Variants in SNX29 observed in about 807,000 individuals in gnomAD.
The protein encoded by SNX29 is sorting nexin-29.
In SNX29, 78 loss-of-function variants were observed where a neutral mutation model predicts 102.1. The observed-to-expected ratio is 0.76, with a 90% CI of 0.64 to 0.92. The LOEUF (loss-of-function observed/expected upper bound fraction) is 0.92, where lower values mean the gene tolerates loss of function less well. Ranked by LOEUF, SNX29 falls within the 40% of genes least tolerant of loss-of-function variation. The pLI is 0.00. For missense variants in SNX29, 1,280 were observed against 1,061.7 expected (o/e 1.21, Z -2.86); for synonymous variants, 580 against 414.5 (o/e 1.40, Z -4.85).
At chr16:12,202,198 A>T (rs767908767) in intron 14 of SNX29, among the ~76,000 whole-genome samples, 27 of 152,178 alleles carry the variant, frequency 1.8e-4, no homozygotes, top group Non-Finnish European at 3.7e-4. Context: ...TTTAGAATAA[A>T]CATTGGCAAC....
intron 1 of SNX29, among the ~76,000 whole-genome samples, chr16:11,981,210 T>C (rs566617352): frequency 1.3e-5 from 2 of 152,246 alleles, no homozygotes; most frequent in East Asian, 3.9e-4. Flanking sequence ...CCTCAAGTGG[T>C]CCGCCTACCT....
At chr16:12,100,571 C>A (rs935631738) in intron 11 of SNX29, among the ~76,000 whole-genome samples, 2 of 152,072 alleles carry the variant, frequency 1.3e-5, no homozygotes, top group African/African-American at 4.8e-5. Flanking sequence ...AGAGGCCTGT[C>A]TGACAAGGTG....
At chr16:12,005,010 G>C (rs991354752) in intron 3 of SNX29, among the ~76,000 whole-genome samples, 1 of 152,318 alleles carries the variant, frequency 6.6e-6, no homozygotes, top group Non-Finnish European at 1.5e-5. Flanking sequence ...TTGTTATCCG[G>C]ATGAGCGTGT....
intron 18 of SNX29, among the ~76,000 whole-genome samples, chr16:12,418,880 C>T (rs1303692613): frequency 6.6e-6 from 1 of 152,138 alleles, no homozygotes; most frequent in East Asian, 1.9e-4. Flanking sequence ...ACACAGTCAG[C>T]CCAGAAGTCC....
chr16:12,344,633 A>G (rs537583984), intron 15 of SNX29, among the ~76,000 whole-genome samples: 5 of 152,254 alleles, frequency 3.3e-5, no homozygotes, highest in Non-Finnish European at 5.9e-5. Flanking sequence ...AGTTAACACA[A>G]GGATGGGGCT....
chr16:12,111,305 T>C (rs2053492686), intron 11 of SNX29, among the ~76,000 whole-genome samples: 1 of 152,178 alleles, frequency 6.6e-6, no homozygotes. Flanking sequence ...CGTTCTGCAC[T>C]TTAGCACAAA....
chr16:12,495,543 T>G (rs570487375), intron 19 of SNX29, among the ~76,000 whole-genome samples: 1 of 152,360 alleles, frequency 6.6e-6, no homozygotes, highest in African/African-American at 2.4e-5. Context: ...GCCCCTTATT[T>G]TTTTGTTTTA....
rs531372787 is a variant in SNX29, at chr16:12,572,376, C to G, written c.*3747C>G. ...GACAGCAGGCTCTGCCTTCTGGAGGCGGCTTATATCCCAACAGCCTGAGGC... is the reference window on the plus strand; with the variant it reads ...GACAGCAGGCTCTGCCTTCTGGAGGGGGCTTATATCCCAACAGCCTGAGGC... On this transcript the variant is annotated 3_prime_UTR_variant, in exon 21 of 21. Coordinates refer to ENST00000566228, the MANE Select transcript of SNX29 (RefSeq NM_032167.5). The G allele has an allele frequency of 1.9e-6, 2 of 1,062,650 alleles. No individual in the cohort carries two copies. Among genetic ancestry groups the G allele is most frequent in the South Asian group, 4.6e-5 (1 of 21,974 alleles). The allele number at this position is 1,062,650 out of a possible 1,614,324, so 65.8% of individuals were successfully genotyped here. A position where few individuals can be genotyped will look rare whatever the true frequency, so the allele number is the denominator to read the frequency against.
At chr16:12,312,317 T>C (rs2080583899) in intron 15 of SNX29, among the ~76,000 whole-genome samples, 1 of 152,180 alleles carries the variant, frequency 6.6e-6, no homozygotes, top group African/African-American at 2.4e-5. Flanking sequence ...CTCTCTGAAT[T>C]TCCAGCGCTC....
chr16:12,198,212 C>T (rs1021668574), intron 13 of SNX29, among the ~76,000 whole-genome samples: 5 of 152,058 alleles, frequency 3.3e-5, no homozygotes, highest in Non-Finnish European at 7.4e-5. Context: ...CATTGGTTAC[C>T]ATGGGAAAGT....
At chr16:12,529,726 A>AT (rs1305774973) in intron 20 of SNX29, among the ~76,000 whole-genome samples, 4 of 151,878 alleles carry the variant, frequency 2.6e-5, no homozygotes, top group African/African-American at 2.4e-5. Context: ...AAATATATCC[A>AT]TTTTTTGCTG....
rs59942122 is a variant in SNX29 at position 12,447,165 on chromosome 16, C to CA, written c.2038-30522dup. On this transcript the variant is annotated intron_variant, in intron 18 of 20. Coordinates refer to ENST00000566228, the MANE Select transcript of SNX29 (RefSeq NM_032167.5). ...CTGGCGACAGAGGGAGACTCTGTCT[C>CA]AAAAAAAAAAAAAAAAAAAAAAAAA... is the stretch of plus-strand genomic sequence containing the variant. Among the ~76,000 whole-genome samples the CA allele has an allele frequency of 3.8e-3, 165 of 43,904 alleles. 15 individuals carry two copies. The highest frequency in any genetic ancestry group is 0.011 in the African/African-American group (122 of 11,190). 28.8% of individuals were successfully genotyped at this position (43,904 alleles called of 152,430 possible).
intron 20 of SNX29, among the ~76,000 whole-genome samples, chr16:12,541,474 G>A (rs1364879118): frequency 1.3e-5 from 2 of 152,128 alleles, no homozygotes; most frequent in African/African-American, 4.8e-5. Flanking sequence ...GATGGAGCCA[G>A]GATCTCAGAC....
chr16:12,430,933 A>C, intron 18 of SNX29, among the ~76,000 whole-genome samples: 1 of 151,554 alleles, frequency 6.6e-6, no homozygotes, highest in Admixed American at 6.6e-5. Flanking sequence ...GCTCACTGCA[A>C]CCTCTGCCTC....
chr16:12,487,568 C>T (rs1039503867), intron 19 of SNX29, among the ~76,000 whole-genome samples: 10 of 152,144 alleles, frequency 6.6e-5, no homozygotes, highest in Admixed American at 2.6e-4. Context: ...CCCAGCCCTC[C>T]GTGGAGAAGC....
At chr16:12,220,421 G>A (rs748786780) in intron 14 of SNX29, among the ~76,000 whole-genome samples, 4 of 152,122 alleles carry the variant, frequency 2.6e-5, no homozygotes, top group Non-Finnish European at 5.9e-5. Context: ...AGGAGGAAGA[G>A]GTGAGAGATG....
chr16:12,260,344 T>C (rs530820443), intron 14 of SNX29, among the ~76,000 whole-genome samples: 1 of 152,300 alleles, frequency 6.6e-6, no homozygotes, highest in East Asian at 1.9e-4. Context: ...AGATTTTTGT[T>C]GTTCTTTTAA....
chr16:12,297,763 G>T (rs374975569), intron 15 of SNX29, among the ~76,000 whole-genome samples: 1 of 152,088 alleles, frequency 6.6e-6, no homozygotes, highest in African/African-American at 2.4e-5. Flanking sequence ...TGTGAGCTGC[G>T]GAATATCGTT....
chr16:12,024,875 GT>G (rs1357922626), intron 3 of SNX29, among the ~76,000 whole-genome samples: 3 of 152,056 alleles, frequency 2.0e-5, no homozygotes, highest in Non-Finnish European at 2.9e-5. Flanking sequence ...GAGTTTTTTT[GT>G]TTTTGTTTTT....
Sources: gnomAD v4.1 joint callset for allele counts (sites outside exome capture counted in the v4.1 genomes callset) on GRCh38, gnomAD v4.1.1 for gene constraint, MANE v1.5 for transcripts, NCBI Gene and HGNC (gene_info 2026-07-23, HGNC 2026-07-21) for gene names.